The following SUGCT variants were observed in gnomAD, a reference collection of about 807,000 sequenced individuals.
The protein encoded by SUGCT is succinyl-CoA:glutarate-CoA transferase.
A neutral mutation model predicts 55.0 loss-of-function variants in SUGCT; 41 were observed. That is an observed-to-expected ratio of 0.74 (90% CI 0.58 to 0.97). SUGCT has a LOEUF of 0.97. Ranked by LOEUF, SUGCT falls within the 50% of genes least tolerant of loss-of-function variation. SUGCT has a pLI of 0.00. For synonymous variants in SUGCT, 187 were observed against 200.4 expected (o/e 0.93, Z 0.56); for missense variants, 568 against 547.8 (o/e 1.04, Z -0.37).
At chr7:40,851,716 C>T (rs770085328) in intron 13 of SUGCT, among the ~76,000 whole-genome samples, 2 of 152,148 alleles carry the variant, frequency 1.3e-5, no homozygotes, top group African/African-American at 2.4e-5. Context: ...TTAATTTATA[C>T]CCATGAAGTC....
At chr7:40,986,239 AC>A in the SUGCT span, among the ~76,000 whole-genome samples, 4 of 152,156 alleles carry the variant, frequency 2.6e-5, no homozygotes, top group East Asian at 7.7e-4. Context: ...TTATTTAAGA[AC>A]CCCTTTCAAA....
the SUGCT span, among the ~76,000 whole-genome samples, chr7:40,921,424 C>T: frequency 1.3e-5 from 2 of 152,146 alleles, no homozygotes; most frequent in African/African-American, 4.8e-5. Flanking sequence ...TGAAATAAAA[C>T]CTCCATGGAG....
At chr7:40,727,074 G>C (rs1434842865) in intron 12 of SUGCT, among the ~76,000 whole-genome samples, 1 of 152,172 alleles carries the variant, frequency 6.6e-6, no homozygotes, top group East Asian at 1.9e-4. Context: ...TCATGCTATC[G>C]TGTTATTATT....
chr7:40,855,269 C>T (rs78469811), intron 13 of SUGCT, among the ~76,000 whole-genome samples: 1 of 138,308 alleles, frequency 7.2e-6, no homozygotes, highest in Non-Finnish European at 1.6e-5. Flanking sequence ...AATTTCTCCT[C>T]AAAAAAAAAA....
chr7:40,502,745 G>A (rs1208628074), intron 12 of SUGCT, among the ~76,000 whole-genome samples: 4 of 152,060 alleles, frequency 2.6e-5, no homozygotes, highest in Non-Finnish European at 5.9e-5. Context: ...GATCAAGCTA[G>A]CCAATTATAA....
At chr7:40,411,930 CA>C (rs1280679696) in intron 9 of SUGCT, among the ~76,000 whole-genome samples, 3 of 119,178 alleles carry the variant, frequency 2.5e-5, no homozygotes, top group Non-Finnish European at 5.2e-5. Context: ...GTAAATTATT[CA>C]AAAAAGGAAA....
chr7:40,467,056 G>T (rs1401325475), intron 11 of SUGCT, among the ~76,000 whole-genome samples: 1 of 151,920 alleles, frequency 6.6e-6, no homozygotes, highest in Non-Finnish European at 1.5e-5. Flanking sequence ...CAAAAAACTA[G>T]CTGGGCATGG....
intron 13 of SUGCT, among the ~76,000 whole-genome samples, chr7:40,782,918 C>T (rs1228770979): frequency 6.6e-6 from 1 of 152,122 alleles, no homozygotes; most frequent in Non-Finnish European, 1.5e-5. Flanking sequence ...CACTGGTTGC[C>T]TTTTGCTGAG....
chr7:40,173,185 A>G (rs1450327337), intron 1 of SUGCT, among the ~76,000 whole-genome samples: 2 of 152,194 alleles, frequency 1.3e-5, no homozygotes, highest in Non-Finnish European at 2.9e-5. Flanking sequence ...ACGGAAGAGA[A>G]CCGTGGAACC....
intron 13 of SUGCT, among the ~76,000 whole-genome samples, chr7:40,849,189 G>A (rs1793728670): frequency 6.6e-6 from 1 of 152,018 alleles, no homozygotes; most frequent in South Asian, 2.1e-4. Context: ...TCACTTTTAT[G>A]TATTCTTGAT....
chr7:40,150,893 C>T (rs1314287340), intron 1 of SUGCT, among the ~76,000 whole-genome samples: 3 of 152,092 alleles, frequency 2.0e-5, no homozygotes, highest in African/African-American at 7.2e-5. Context: ...AGGGAATTAC[C>T]ATGTATATGA....
At position 40,360,384 on chromosome 7, in the gene SUGCT, C is replaced by A. The variant is rs79581297; in HGVS notation, c.816+43529C>A. Among the ~76,000 whole-genome samples the A allele has an allele frequency of 7.7e-3, 1,175 of 152,266 alleles. 14 individuals carry two copies. The highest frequency in any genetic ancestry group is 0.027 in the African/African-American group (1,116 of 41,548). ...GTTTGAAGAGGGTTAATGCAAATTT[C>A]ATTGAGATTTGTGAAGAAGGAATAC... On this transcript the variant is annotated intron_variant, in intron 9 of 13. Transcript: ENST00000335693.
At chr7:40,971,387 A>G in the SUGCT span, among the ~76,000 whole-genome samples, 30 of 152,286 alleles carry the variant, frequency 2.0e-4, no homozygotes, top group African/African-American at 6.3e-4. Flanking sequence ...TCCAAACTAT[A>G]TCAGGATGTG....
chr7:40,821,062 A>G (rs1010923239), intron 13 of SUGCT, among the ~76,000 whole-genome samples: 8 of 152,266 alleles, frequency 5.3e-5, no homozygotes, highest in African/African-American at 1.7e-4. Context: ...ATGCTGGATT[A>G]TGTTTATTGA....
the SUGCT span, among the ~76,000 whole-genome samples, chr7:40,906,512 A>G: frequency 6.6e-6 from 1 of 152,240 alleles, no homozygotes; most frequent in Non-Finnish European, 1.5e-5. Context: ...TTCAGATTAA[A>G]ACAACTACAG....
the SUGCT span, among the ~76,000 whole-genome samples, chr7:40,991,815 G>C: frequency 6.6e-6 from 1 of 152,088 alleles, no homozygotes; most frequent in African/African-American, 2.4e-5. Flanking sequence ...CCTCCAGGAC[G>C]AGCACGTATC....
intron 8 of SUGCT, among the ~76,000 whole-genome samples, chr7:40,274,883 C>T (rs1057139461): frequency 6.6e-6 from 1 of 152,174 alleles, no homozygotes; most frequent in Non-Finnish European, 1.5e-5. Flanking sequence ...CTCACTGCAA[C>T]CTCCACCTCC....
chr7:40,933,480 G>C, the SUGCT span, among the ~76,000 whole-genome samples: 1 of 152,168 alleles, frequency 6.6e-6, no homozygotes, highest in African/African-American at 2.4e-5. Context: ...ATGTTGGCCT[G>C]CCTTGCTAGG....
the SUGCT span, among the ~76,000 whole-genome samples, chr7:40,950,136 C>T: frequency 3.9e-5 from 6 of 152,260 alleles, no homozygotes; most frequent in Admixed American, 3.9e-4. Context: ...TTTCATTGAG[C>T]AGTGGTTTAT....
Sources: gnomAD v4.1 joint callset for allele counts (sites outside exome capture counted in the v4.1 genomes callset) on GRCh38, gnomAD v4.1.1 for gene constraint, MANE v1.5 for transcripts, NCBI Gene and HGNC (gene_info 2026-07-23, HGNC 2026-07-21) for gene names.